The following CNTN5 variants were observed in gnomAD, a reference collection of about 807,000 sequenced individuals.
CNTN5 encodes the protein contactin-5.
CNTN5 carries 77 observed loss-of-function variants against 129.1 expected under a neutral mutation model. That is an observed-to-expected ratio of 0.60 (90% CI 0.50 to 0.72). CNTN5 has a LOEUF of 0.72. Ranked by LOEUF, CNTN5 falls within the 30% of genes least tolerant of loss-of-function variation. The pLI is 0.00. For missense variants in CNTN5, 1,478 were observed against 1,328.8 expected (o/e 1.11, Z -1.75); for synonymous variants, 509 against 465.6 (o/e 1.09, Z -1.20).
chr11:100,314,042 TA>T (rs531650936), intron 21 of CNTN5, among the ~76,000 whole-genome samples: 10 of 152,168 alleles, frequency 6.6e-5, no homozygotes, highest in Non-Finnish European at 1.2e-4. Flanking sequence ...TGTAGACATT[TA>T]GTAACCTTAA....
intron 1 of CNTN5, among the ~76,000 whole-genome samples, chr11:99,295,824 C>T (rs1020637303): frequency 2.1e-5 from 3 of 142,646 alleles, no homozygotes; most frequent in African/African-American, 5.2e-5. Flanking sequence ...TGCAGTGAGC[C>T]GAGATTGCGC....
intron 3 of CNTN5, among the ~76,000 whole-genome samples, chr11:99,773,300 A>C (rs1945006841): frequency 6.6e-6 from 1 of 152,152 alleles, no homozygotes. Flanking sequence ...CAAAGAAATT[A>C]TCTGTTTTTA....
intron 3 of CNTN5, among the ~76,000 whole-genome samples, chr11:99,769,334 G>A (rs1053029954): frequency 2.0e-5 from 3 of 152,068 alleles, no homozygotes; most frequent in African/African-American, 7.2e-5. Context: ...CAAGATCTGA[G>A]TATGAGATAT....
chr11:100,220,280 TAA>T (rs879363710), intron 15 of CNTN5, among the ~76,000 whole-genome samples: 2 of 141,764 alleles, frequency 1.4e-5, no homozygotes, highest in Non-Finnish European at 3.1e-5. Context: ...CTGTCTCAAT[TAA>T]AAAAAAAAAA....
At chr11:100,125,959 TAA>T (rs1001004610) in intron 13 of CNTN5, among the ~76,000 whole-genome samples, 4 of 152,134 alleles carry the variant, frequency 2.6e-5, no homozygotes, top group African/African-American at 9.6e-5. Context: ...ACCTTCCTCT[TAA>T]CATTGATTTT....
At chr11:99,772,783 G>T (rs886736090) in intron 3 of CNTN5, among the ~76,000 whole-genome samples, 2 of 152,080 alleles carry the variant, frequency 1.3e-5, no homozygotes, top group African/African-American at 2.4e-5. Flanking sequence ...TTATAAGAGA[G>T]AATGGGGAAG....
At chr11:99,721,295 G>A (rs1171816759) in intron 3 of CNTN5, among the ~76,000 whole-genome samples, 1 of 151,630 alleles carries the variant, frequency 6.6e-6, no homozygotes, top group African/African-American at 2.4e-5. Context: ...CAGGCACATA[G>A]AGCAACAGAA....
At chr11:99,256,398 TCTATAAAACTA>T (rs1862378715) in intron 1 of CNTN5, among the ~76,000 whole-genome samples, 1 of 152,104 alleles carries the variant, frequency 6.6e-6, no homozygotes, top group Non-Finnish European at 1.5e-5. Context: ...CCAAAAGCCA[TCTATAAAACTA>T]TTAAGAGTGA....
At chr11:99,434,632 G>A (rs1336132403) in intron 2 of CNTN5, among the ~76,000 whole-genome samples, 2 of 152,084 alleles carry the variant, frequency 1.3e-5, no homozygotes, top group Non-Finnish European at 2.9e-5. Flanking sequence ...TCAAATCAGA[G>A]CCGTTTTAAT....
At chr11:99,167,683 G>A (rs1016779401) in intron 1 of CNTN5, among the ~76,000 whole-genome samples, 19 of 151,996 alleles carry the variant, frequency 1.3e-4, no homozygotes, top group Non-Finnish European at 2.8e-4. Context: ...TGACAATGGG[G>A]TGTGAAAGAA....
At chr11:100,083,371 A>G (rs1456397326) in intron 13 of CNTN5, among the ~76,000 whole-genome samples, 1 of 143,036 alleles carries the variant, frequency 7.0e-6, no homozygotes, top group African/African-American at 2.7e-5. Context: ...TTAAACAACC[A>G]CATATTTAGT....
At chr11:99,214,383 A>T (rs948556384) in intron 1 of CNTN5, among the ~76,000 whole-genome samples, 7 of 136,332 alleles carry the variant, frequency 5.1e-5, no homozygotes, top group African/African-American at 1.6e-4. Context: ...TATATATATT[A>T]TATATGTATA....
intron 1 of CNTN5, among the ~76,000 whole-genome samples, chr11:99,182,112 A>G (rs938975917): frequency 6.6e-6 from 1 of 152,208 alleles, no homozygotes; most frequent in Admixed American, 6.5e-5. Context: ...CTGATTAAAT[A>G]GTCTGTCAAG....
chr11:99,907,936 T>C (rs1565664422), intron 6 of CNTN5, among the ~76,000 whole-genome samples: 2 of 152,164 alleles, frequency 1.3e-5, no homozygotes, highest in African/African-American at 4.8e-5. Context: ...CTTTCATAAA[T>C]GTGAACCTAC....
At chr11:100,047,908 G>A (rs1223309782) in intron 9 of CNTN5, among the ~76,000 whole-genome samples, 2 of 152,122 alleles carry the variant, frequency 1.3e-5, no homozygotes, top group African/African-American at 4.8e-5. Flanking sequence ...GAGGCGGGCA[G>A]ATCACCAAGT....
rs1565833367 is a variant in CNTN5 at position 100,055,028 on chromosome 11, T to TTA, written c.981-6184_981-6183insTA. ...GCCAGAAATCATCATAGCCGTAGCC[T>TTA]AAAAAAAAAAAAAAAAAAAAAAAGG... On this transcript the variant is annotated intron_variant, in intron 9 of 24. Transcript: ENST00000524871. Among the ~76,000 whole-genome samples, 8 of 91,692 alleles carry TTA rather than the reference T, an allele frequency of 8.7e-5. 1 individual carries two copies. The highest frequency in any genetic ancestry group is 3.7e-4 in the South Asian group (1 of 2,714). 60.2% of individuals were successfully genotyped at this position (91,692 alleles called of 152,430 possible).
chr11:100,172,779 A>G (rs923705717), intron 13 of CNTN5, among the ~76,000 whole-genome samples: 29 of 152,180 alleles, frequency 1.9e-4, no homozygotes, highest in Non-Finnish European at 3.5e-4. Context: ...TTGAGATGGA[A>G]TCAGAAAGGC....
intron 3 of CNTN5, among the ~76,000 whole-genome samples, chr11:99,598,865 G>T (rs927293588): frequency 5.3e-5 from 8 of 151,918 alleles, no homozygotes; most frequent in Middle Eastern, 3.2e-3. Flanking sequence ...GACAAGCAAT[G>T]ACATATTTCA....
At chr11:100,001,960 A>T (rs914857783) in intron 8 of CNTN5, 74 bp from the exon 9 acceptor site, 1 of 1,050,594 alleles carries the variant, frequency 9.5e-7, no homozygotes, top group African/African-American at 1.7e-5. Context: ...GTGATTTTCA[A>T]TGTAACATCT....
Sources: allele counts gnomAD v4.1 joint callset (sites outside exome capture counted in the v4.1 genomes callset), GRCh38; gene constraint gnomAD v4.1.1; transcripts MANE v1.5; gene names NCBI Gene and HGNC (gene_info 2026-07-23, HGNC 2026-07-21).